RSU1: variants seen among roughly 807,000 people sequenced by gnomAD.
RSU1 encodes rsu-1.
Under a neutral mutation model 31.1 loss-of-function variants are expected in RSU1, and 26 were observed. That is an observed-to-expected ratio of 0.84 (90% CI 0.61 to 1.16). The LOEUF is 1.16. Ranked by LOEUF, RSU1 falls within the 50% of genes most tolerant of loss-of-function variation. The probability of loss-of-function intolerance (pLI) is 0.00; values close to 1 mark genes in which losing one functional copy is unlikely to be tolerated. For missense variants in RSU1, 320 were observed against 339.1 expected, an observed-to-expected ratio of 0.94 and a Z score of 0.44; for synonymous variants, 164 against 136.3, an observed-to-expected ratio of 1.20 and a Z score of -1.41.
chr10:16,684,970 G>A (rs1443499872), intron 8 of RSU1, among the ~76,000 whole-genome samples: 4 of 152,124 alleles, frequency 2.6e-5, no homozygotes, highest in South Asian at 2.1e-4. Context: ...TATTTAGGCC[G>A]GGTATGGTGG....
At chr10:16,800,443 G>C (rs1191058668) in intron 2 of RSU1, among the ~76,000 whole-genome samples, 1 of 152,140 alleles carries the variant, frequency 6.6e-6, no homozygotes, top group African/African-American at 2.4e-5. Context: ...CAAAAATAAA[G>C]AGCGCCTCTG....
intron 7 of RSU1, among the ~76,000 whole-genome samples, chr10:16,737,937 T>G (rs1401351674): frequency 6.6e-6 from 1 of 152,200 alleles, no homozygotes; most frequent in Non-Finnish European, 1.5e-5. Flanking sequence ...ATATAGACTA[T>G]GAATTTTGAT....
intron 8 of RSU1, among the ~76,000 whole-genome samples, chr10:16,639,458 A>G (rs1463796082): frequency 6.6e-6 from 1 of 152,248 alleles, no homozygotes; most frequent in African/African-American, 2.4e-5. Context: ...AATCCTATTG[A>G]TTAGTATTAA....
chr10:16,785,460 A>G lies in RSU1; in HGVS notation c.110-3376T>C, dbSNP rs746169100. The stretch of plus-strand genomic sequence containing the variant: ...TATATACACATATATACATATATAC[A>G]TATATATATACACATATATACATAT... On this transcript the variant is annotated intron_variant, in intron 2 of 8. Coordinates refer to ENST00000345264, the MANE Select transcript of RSU1 (RefSeq NM_012425.4). Among the ~76,000 whole-genome samples, 3 of 67,996 alleles carry G rather than the reference A, an allele frequency of 4.4e-5. 1 individual carries two copies. The allele number at this position is 67,996 out of a possible 152,430, so 44.6% of individuals were successfully genotyped here.
intron 7 of RSU1, among the ~76,000 whole-genome samples, chr10:16,734,858 G>C (rs1836592192): frequency 6.6e-6 from 1 of 152,146 alleles, no homozygotes; most frequent in Admixed American, 6.5e-5. Flanking sequence ...TAGTTAAAAT[G>C]AGGTCATATG....
Position 16,708,737 on chromosome 10 carries a change from G to C in RSU1, c.599-13582C>G, listed in dbSNP as rs867104650. ...AGACAAAGTAGCTTGCCATTTATTT[G>C]TGTCCTCTTCAATTTCTTTTGTTAA... On this transcript the variant is annotated intron_variant, in intron 7 of 8. Transcript: ENST00000345264. 1.1e-4 allele frequency among the ~76,000 whole-genome samples: 16 copies of C among 151,588 alleles called. No homozygotes were observed. In the South Asian group the frequency reaches 2.9e-3, roughly 28 times the overall value.
intron 8 of RSU1, among the ~76,000 whole-genome samples, chr10:16,689,697 T>A (rs75963135): frequency 0.013 from 1,938 of 152,320 alleles, 51 homozygotes; most frequent in African/African-American, 0.044. Context: ...GACTGCTTTG[T>A]TAAAATGTTT....
rs539846468 is a variant in RSU1 at position 16,774,932 on chromosome 10, G to A, written c.160+7102C>T. 7.1e-4 allele frequency among the ~76,000 whole-genome samples: 108 copies of A among 152,158 alleles called. 1 individual carries two copies. The highest frequency in any genetic ancestry group is 2.4e-3 in the African/African-American group (101 of 41,512). On this transcript the variant is annotated intron_variant, in intron 3 of 8. Transcript: ENST00000345264. Reference sequence around the variant, plus strand: ...CAGCCTGGGCAAATTAGCCAGGCGTGGTGGTGCACATCTATCTAGGAGGCT... The same window carrying A: ...CAGCCTGGGCAAATTAGCCAGGCGTAGTGGTGCACATCTATCTAGGAGGCT...
intron 2 of RSU1, among the ~76,000 whole-genome samples, chr10:16,793,696 A>G (rs892917324): frequency 1.3e-5 from 2 of 152,136 alleles, no homozygotes; most frequent in African/African-American, 4.8e-5. Context: ...CTACTCTGCA[A>G]GCCACTGTAC....
intron 7 of RSU1, among the ~76,000 whole-genome samples, chr10:16,697,120 T>C (rs534144654): frequency 3.9e-5 from 6 of 152,172 alleles, no homozygotes; most frequent in Admixed American, 6.5e-5. Context: ...TGTTGCCCAT[T>C]GTGCACAGGA....
intron 8 of RSU1, among the ~76,000 whole-genome samples, chr10:16,673,332 A>C (rs1835154354): frequency 6.6e-6 from 1 of 152,234 alleles, no homozygotes; most frequent in Admixed American, 6.5e-5. Context: ...ATTTGCTCCA[A>C]CATGAACAGA....
chr10:16,711,674 T>C (rs756573738), intron 7 of RSU1, among the ~76,000 whole-genome samples: 2 of 152,212 alleles, frequency 1.3e-5, no homozygotes, highest in Non-Finnish European at 2.9e-5. Flanking sequence ...TGTTGTTTAA[T>C]TTCCACGTAT....
chr10:16,726,267 C>CTTTTTTTT (rs760586484), intron 7 of RSU1, among the ~76,000 whole-genome samples: 2 of 137,080 alleles, frequency 1.5e-5, no homozygotes, highest in African/African-American at 5.9e-5. Context: ...AGGAACGTAT[C>CTTTTTTTT]TTTTTTTTTT....
At chr10:16,667,208 A>G (rs753759278) in intron 8 of RSU1, among the ~76,000 whole-genome samples, 19 of 152,328 alleles carry the variant, frequency 1.2e-4, no homozygotes, top group South Asian at 1.0e-3. Context: ...GGGAAGCAAT[A>G]TATTTTCTAA....
intron 7 of RSU1, among the ~76,000 whole-genome samples, chr10:16,696,754 G>A (rs1030487279): frequency 1.3e-5 from 2 of 152,280 alleles, no homozygotes; most frequent in African/African-American, 2.4e-5. Context: ...TGCCTAGGGC[G>A]AATGAAAACC....
intron 7 of RSU1, among the ~76,000 whole-genome samples, chr10:16,700,924 A>G (rs1250170846): frequency 6.6e-6 from 1 of 152,238 alleles, no homozygotes. Flanking sequence ...CAAGCTTGCT[A>G]TCAACCAATT....
chr10:16,675,271 A>C (rs1385338025), intron 8 of RSU1, among the ~76,000 whole-genome samples: 1 of 151,962 alleles, frequency 6.6e-6, no homozygotes, highest in East Asian at 1.9e-4. Flanking sequence ...ATTAGTGCCC[A>C]AGAAAATCAG....
intron 8 of RSU1, among the ~76,000 whole-genome samples, chr10:16,595,827 C>T (rs1243673390): frequency 2.7e-5 from 4 of 149,230 alleles, no homozygotes; most frequent in South Asian, 2.1e-4. Flanking sequence ...AAATTAGCTG[C>T]GCATAGTGGT....
intron 8 of RSU1, among the ~76,000 whole-genome samples, chr10:16,602,103 C>G (rs532205653): frequency 1.3e-5 from 2 of 152,250 alleles, no homozygotes; most frequent in South Asian, 4.1e-4. Context: ...CTGCTTAGGT[C>G]CCCTCTGCAA....
Sources: allele counts gnomAD v4.1 joint callset (sites outside exome capture counted in the v4.1 genomes callset), GRCh38; gene constraint gnomAD v4.1.1; transcripts MANE v1.5; gene names NCBI Gene and HGNC (gene_info 2026-07-23, HGNC 2026-07-21).